The following ATG4A variants were observed in gnomAD, a reference collection of about 807,000 sequenced individuals.
ATG4A encodes the protein cysteine protease ATG4A.
ATG4A carries 22 observed loss-of-function variants against 38.4 expected under a neutral mutation model. That is an observed-to-expected ratio of 0.57 (90% confidence interval 0.41 to 0.82). The LOEUF is 0.82. Ranked by LOEUF, ATG4A falls within the 40% of genes least tolerant of loss-of-function variation. The probability of loss-of-function intolerance (pLI) is 0.00; values close to 1 mark genes in which losing one functional copy is unlikely to be tolerated. For missense variants in ATG4A, 220 were observed against 290.0 expected (o/e 0.76, Z 1.75); for synonymous variants, 86 against 100.7 (o/e 0.85, Z 0.88).
At chrX:108,128,032 C>T (rs1486818350) in intron 2 of ATG4A, among the ~76,000 whole-genome samples, 1 of 112,571 alleles carries the variant, frequency 8.9e-6, no homozygotes, top group Non-Finnish European at 1.9e-5. Context: ...CTTAGTAAGA[C>T]ATTTCCTTTT....
chrX:108,144,848 G>A (rs920948949), intron 9 of ATG4A, among the ~76,000 whole-genome samples: 1 of 111,861 alleles, frequency 8.9e-6, no homozygotes, highest in Non-Finnish European at 1.9e-5. Flanking sequence ...GTATATAATC[G>A]CACATATGGC....
intron 9 of ATG4A, among the ~76,000 whole-genome samples, chrX:108,149,643 C>G (rs2148031067): frequency 8.9e-6 from 1 of 112,377 alleles, no homozygotes; most frequent in African/African-American, 3.2e-5. Context: ...CATAAAGAGT[C>G]AGCATTCCCA....
chrX:108,130,210 G>C (rs1002054153), intron 3 of ATG4A, among the ~76,000 whole-genome samples: 5 of 111,034 alleles, frequency 4.5e-5, no homozygotes, highest in African/African-American at 1.6e-4. Context: ...TAAAAGAAAG[G>C]GGTGACCACC....
At chrX:108,091,999 G>A (rs1380857704) in intron 1 of ATG4A, 163 bp downstream of exon 1, 14 of 896,811 alleles carry the variant, frequency 1.6e-5, no homozygotes, top group Non-Finnish European at 2.0e-5. Flanking sequence ...GTGGCAGGCG[G>A]AAGGGACAAG....
upstream of ATG4A, among the ~76,000 whole-genome samples, chrX:108,089,654 G>C (rs1409961177): frequency 9.1e-6 from 1 of 110,397 alleles, no homozygotes; most frequent in Non-Finnish European, 1.9e-5. Context: ...GCAACATGGT[G>C]AAACTCCGTC....
chrX:108,099,324 C>T (rs1342041220), intron 1 of ATG4A, among the ~76,000 whole-genome samples: 1 of 111,005 alleles, frequency 9.0e-6, no homozygotes, highest in Non-Finnish European at 1.9e-5. Flanking sequence ...ATCTTTGGCC[C>T]ATTTTCTAAT....
intron 3 of ATG4A, among the ~76,000 whole-genome samples, chrX:108,129,912 C>G (rs1449939590): frequency 1.9e-5 from 2 of 106,746 alleles, no homozygotes; most frequent in East Asian, 5.8e-4. Context: ...AGAAATACCC[C>G]AGTCACTAAC....
intron 1 of ATG4A, among the ~76,000 whole-genome samples, chrX:108,096,390 G>A (rs1388486500): frequency 1.8e-5 from 2 of 112,032 alleles, no homozygotes; most frequent in Non-Finnish European, 3.8e-5. Context: ...AACATGAGAT[G>A]GGCTGAATTT....
intron 9 of ATG4A, 22 bp downstream of exon 9, chrX:108,138,213 G>A: frequency 8.5e-7 from 1 of 1,177,532 alleles, no homozygotes; most frequent in South Asian, 1.8e-5. Context: ...GGAATCACAA[G>A]TAAGTCATCG....
Position 108,119,380 on chromosome X carries a change from G to A in ATG4A, c.11-6697G>A, listed in dbSNP as rs186117007. Among the ~76,000 whole-genome samples the A allele has an allele frequency of 7.7e-4, 85 of 110,981 alleles. 2 individuals are homozygous for A. In the East Asian group the frequency reaches 0.022, roughly 29 times the overall value. On this transcript the variant is annotated intron_variant, in intron 1 of 12. Transcript: ENST00000372232. ...GTATTGGACAGTGTAGGTGTGGACC[G>A]GTGGCTTTCTAACTTTTTTTTTTAT...
At chrX:108,150,862 G>T (rs773076460) in intron 10 of ATG4A, among the ~76,000 whole-genome samples, 1 of 112,110 alleles carries the variant, frequency 8.9e-6, no homozygotes, top group Non-Finnish European at 1.9e-5. Flanking sequence ...CACTAACTAC[G>T]CACTTAGGAG....
chrX:108,125,147 A>G (rs939609248), intron 1 of ATG4A, among the ~76,000 whole-genome samples: 19 of 111,847 alleles, frequency 1.7e-4, no homozygotes, highest in Non-Finnish European at 3.4e-4. Context: ...TTTCTCTCAG[A>G]AAATTATTAT....
chrX:108,123,531 C>T (rs1490453224), intron 1 of ATG4A, among the ~76,000 whole-genome samples: 1 of 112,205 alleles, frequency 8.9e-6, no homozygotes, highest in Non-Finnish European at 1.9e-5. Context: ...TCCCATCTCA[C>T]TGCTTCTTGC....
chrX:108,103,789 A>G (rs963904613), intron 1 of ATG4A, among the ~76,000 whole-genome samples: 1 of 112,445 alleles, frequency 8.9e-6, no homozygotes, highest in Non-Finnish European at 1.9e-5. Flanking sequence ...TATGTTATCG[A>G]TGTCACAAAT....
At chrX:108,117,446 C>A (rs772746483) in intron 1 of ATG4A, among the ~76,000 whole-genome samples, 1 of 111,850 alleles carries the variant, frequency 8.9e-6, no homozygotes, top group South Asian at 3.8e-4. Context: ...AAGAATGATT[C>A]ATCAAGAAAG....
In ATG4A at chrX:108,153,006, T is replaced by C. The variant is rs753108952; in HGVS notation, c.1045T>C (p.Phe349Leu). 10 of 1,210,202 alleles carry C rather than the reference T, an allele frequency of 8.3e-6. No individual in the cohort carries two copies. Among genetic ancestry groups the C allele is most frequent in the Non-Finnish European group, 1.1e-6 (1 of 894,141 alleles). Reference sequence around the variant, plus strand: ...AATTCTAAAGGAGAATTTAAGGATGTTTGAATTAGTTCAGAAACATCCATC... The same window carrying C: ...AATTCTAAAGGAGAATTTAAGGATGCTTGAATTAGTTCAGAAACATCCATC... ...KEILKENLRM[F>L]ELVQKHPSHW... The change falls in exon 12 of 13, where the codon TTT becomes CTT. Residue 349 changes from phenylalanine (F) to leucine (L), a missense_variant. Phe to Leu is a conservative substitution (Grantham distance 22). This residue lies in a region of ATG4A where 159 missense variants were observed against 188.9 expected (regional missense o/e 0.84). Transcript: ENST00000372232.
intron 1 of ATG4A, among the ~76,000 whole-genome samples, chrX:108,125,441 A>AAT (rs1278541729): frequency 2.7e-5 from 3 of 112,318 alleles, no homozygotes; most frequent in Non-Finnish European, 5.6e-5. Flanking sequence ...ATAGAAACTA[A>AAT]ATATATATTT....
chrX:108,143,174 A>C (rs751187202), intron 9 of ATG4A, among the ~76,000 whole-genome samples: 25 of 112,565 alleles, frequency 2.2e-4, no homozygotes, highest in Admixed American at 6.6e-4. Flanking sequence ...AAGTGTATAC[A>C]TGCACAAACA....
chrX:108,146,919 A>G (rs1346275440), intron 9 of ATG4A, among the ~76,000 whole-genome samples: 1 of 112,361 alleles, frequency 8.9e-6, no homozygotes, highest in African/African-American at 3.2e-5. Context: ...GCCCAAATCA[A>G]TAAATTCAGC....
Sources: allele counts gnomAD v4.1 joint callset (sites outside exome capture counted in the v4.1 genomes callset), GRCh38; gene constraint gnomAD v4.1.1; regional missense constraint gnomAD v4.1.1; transcripts MANE v1.5; gene names NCBI Gene and HGNC (gene_info 2026-07-23, HGNC 2026-07-21).